Variants in NCK2 observed in about 807,000 individuals in gnomAD.
NCK2 encodes cytoplasmic protein NCK2.
NCK2 carries 16 observed loss-of-function variants against 33.9 expected under a neutral mutation model. The observed-to-expected ratio is 0.47, with a 90% confidence interval of 0.32 to 0.72. The LOEUF is 0.72. Ranked by LOEUF, NCK2 falls within the 30% of genes least tolerant of loss-of-function variation. NCK2 has a pLI of 0.03. For missense variants in NCK2, 418 were observed against 537.3 expected (o/e 0.78, Z 2.19); for synonymous variants, 273 against 239.9 (o/e 1.14, Z -1.27).
intron 1 of NCK2, among the ~76,000 whole-genome samples, chr2:105,781,408 T>A (rs1298936878): frequency 6.6e-6 from 1 of 152,188 alleles, no homozygotes; most frequent in Non-Finnish European, 1.5e-5. Context: ...CTAAATGCAA[T>A]CTCCCTTTTG....
At chr2:105,879,964 C>T (rs1342104987) in intron 3 of NCK2, among the ~76,000 whole-genome samples, 1 of 152,202 alleles carries the variant, frequency 6.6e-6, no homozygotes, top group Non-Finnish European at 1.5e-5. Context: ...GTGGTGGGAG[C>T]ACTCATCTCT....
intron 3 of NCK2, among the ~76,000 whole-genome samples, chr2:105,863,772 G>C (rs1429675674): frequency 1.3e-5 from 2 of 152,068 alleles, no homozygotes; most frequent in Admixed American, 6.5e-5. Flanking sequence ...TGGAGTCTTC[G>C]ATCACCTGCA....
chr2:105,885,841 T>C (rs1678699580), intron 4 of NCK2, among the ~76,000 whole-genome samples: 1 of 152,210 alleles, frequency 6.6e-6, no homozygotes, highest in Non-Finnish European at 1.5e-5. Flanking sequence ...GAACTGAAGC[T>C]TTTGTTGAGT....
chr2:105,752,603 A>G (rs1477602177), intron 1 of NCK2, among the ~76,000 whole-genome samples: 4 of 152,174 alleles, frequency 2.6e-5, no homozygotes, highest in Admixed American at 6.5e-5. Flanking sequence ...TAAATTGCCT[A>G]AGGGTGAATT....
intron 1 of NCK2, among the ~76,000 whole-genome samples, chr2:105,815,575 G>C (rs1675449506): frequency 6.6e-6 from 1 of 152,206 alleles, no homozygotes; most frequent in African/African-American, 2.4e-5. Context: ...ACCAAGTGCA[G>C]TGAACATAAC....
At chr2:105,796,930 TGTAA>T (rs1305363180) in intron 1 of NCK2, among the ~76,000 whole-genome samples, 5 of 152,212 alleles carry the variant, frequency 3.3e-5, no homozygotes, top group African/African-American at 7.2e-5. Context: ...GCATGTTACT[TGTAA>T]GTGTCAGCAC....
intron 1 of NCK2, among the ~76,000 whole-genome samples, chr2:105,815,252 C>G (rs1477076218): frequency 2.6e-5 from 4 of 152,182 alleles, no homozygotes; most frequent in African/African-American, 2.4e-5. Context: ...TAAAACAGTG[C>G]TAGAGAATAC....
chr2:105,857,965 A>G (rs1262620745), intron 3 of NCK2, among the ~76,000 whole-genome samples: 3 of 151,708 alleles, frequency 2.0e-5, no homozygotes, highest in Admixed American at 2.0e-4. Context: ...GAAAGTGAGA[A>G]TGCTTTCCAT....
At chr2:105,867,488 AAAAC>A (rs1677809663) in intron 3 of NCK2, among the ~76,000 whole-genome samples, 1 of 152,222 alleles carries the variant, frequency 6.6e-6, no homozygotes, top group Non-Finnish European at 1.5e-5. Flanking sequence ...CCAAAAATGT[AAAAC>A]AAATCACAAC....
intron 3 of NCK2, among the ~76,000 whole-genome samples, chr2:105,874,179 T>C (rs532896364): frequency 1.6e-4 from 24 of 152,358 alleles, no homozygotes; most frequent in African/African-American, 5.1e-4. Flanking sequence ...TATTGAAATA[T>C]TATGATGATA....
chr2:105,846,616 A>G (rs762114901), intron 2 of NCK2: 21 of 152,238 alleles, frequency 1.4e-4, no homozygotes, highest in Non-Finnish European at 2.4e-4. Context: ...TGTTCAGTTA[A>G]GAAATTGATG....
intron 3 of NCK2, among the ~76,000 whole-genome samples, chr2:105,866,914 A>T (rs1677789874): frequency 6.6e-6 from 1 of 152,182 alleles, no homozygotes; most frequent in Non-Finnish European, 1.5e-5. Context: ...GAGTCATGTA[A>T]AAGGAGAAGC....
intron 3 of NCK2, among the ~76,000 whole-genome samples, chr2:105,880,457 G>A (rs1224194764): frequency 6.6e-6 from 1 of 152,208 alleles, no homozygotes; most frequent in East Asian, 1.9e-4. Context: ...TGAAGATGAT[G>A]GGTTTTGCCC....
intron 1 of NCK2, among the ~76,000 whole-genome samples, chr2:105,807,536 G>C (rs1184942829): frequency 6.6e-6 from 1 of 151,996 alleles, no homozygotes; most frequent in Non-Finnish European, 1.5e-5. Context: ...GGGTCACTTG[G>C]GGACATAAAA....
intron 3 of NCK2, among the ~76,000 whole-genome samples, chr2:105,864,840 CACA>C (rs1274107157): frequency 1.4e-5 from 1 of 71,658 alleles, no homozygotes; most frequent in Non-Finnish European, 3.6e-5. Context: ...CACACACACA[CACA>C]CACACACACA....
rs567043829 is a variant in NCK2, at chr2:105,893,276, T to C, written c.*100T>C. Reference sequence around the variant, plus strand: ...TCCCGCGGGGACGGCCCCGACGGCTTCTCTGCGAGTCTCTCTTTATGTTCA... The same window carrying C: ...TCCCGCGGGGACGGCCCCGACGGCTCCTCTGCGAGTCTCTCTTTATGTTCA... On this transcript the variant is annotated 3_prime_UTR_variant, in exon 5 of 5. Transcript: ENST00000233154. The C allele has an allele frequency of 3.6e-6, 4 of 1,122,402 alleles. No individual in the cohort carries two copies. The South Asian group carries it at 4.7e-5, about 13-fold the overall frequency. The allele number at this position is 1,122,402 out of a possible 1,614,324, so 69.5% of individuals were successfully genotyped here.
intron 2 of NCK2, among the ~76,000 whole-genome samples, chr2:105,830,598 G>A (rs1255537345): frequency 6.6e-6 from 1 of 151,818 alleles, no homozygotes; most frequent in African/African-American, 2.4e-5. Flanking sequence ...ATGCCCAGCA[G>A]TGGGATTGCT....
chr2:105,843,869 T>G (rs1177950368), intron 2 of NCK2, among the ~76,000 whole-genome samples: 1 of 152,216 alleles, frequency 6.6e-6, no homozygotes, highest in Non-Finnish European at 1.5e-5. Flanking sequence ...GGGCTGTTCC[T>G]GGAGACTTCC....
chr2:105,881,474 G>C lies in NCK2; in HGVS notation c.373G>C (p.Glu125Gln), dbSNP rs147879012. ...PAFVKFAYVA[E>Q]REDELSLVKG... ...CTTCGTCAAGTTCGCCTATGTGGCC[G>C]AGCGGGAGGATGAGTTGTCCCTGGT... Residue 125 changes from glutamate (E) to glutamine (Q), a missense_variant, in exon 4 of 5, where the codon GAG becomes CAG. By Grantham distance (29) the Glu-to-Gln change is conservative. Transcript: ENST00000233154. 1.9e-6 allele frequency: 3 copies of C among 1,613,922 alleles called. No individual in the cohort carries two copies. The highest frequency in any genetic ancestry group is 1.1e-5 in the South Asian group (1 of 91,088).
Sources: allele counts gnomAD v4.1 joint callset (sites outside exome capture counted in the v4.1 genomes callset), GRCh38; gene constraint gnomAD v4.1.1; transcripts MANE v1.5; gene names NCBI Gene and HGNC (gene_info 2026-07-23, HGNC 2026-07-21).